SPTLC2: variants seen among roughly 807,000 people sequenced by gnomAD.
The protein encoded by SPTLC2 is serine palmitoyltransferase long chain base subunit 2.
Under a neutral mutation model 62.0 loss-of-function variants are expected in SPTLC2, and 21 were observed. That is an observed-to-expected ratio of 0.34 (90% CI 0.24 to 0.49). SPTLC2 has a LOEUF of 0.49. Ranked by LOEUF, SPTLC2 falls within the 20% of genes least tolerant of loss-of-function variation. The pLI is 0.99. For missense variants in SPTLC2, 511 were observed against 713.0 expected (o/e 0.72, Z 3.23); for synonymous variants, 261 against 261.8 (o/e 1.00, Z 0.03).
intron 2 of SPTLC2, among the ~76,000 whole-genome samples, chr14:77,581,762 A>G (rs1256327555): frequency 6.6e-6 from 1 of 152,140 alleles, no homozygotes; most frequent in Non-Finnish European, 1.5e-5. Flanking sequence ...CAGGACAGAA[A>G]ATATTCATAA....
At chr14:77,556,489 A>C (rs2079584697) in intron 7 of SPTLC2, among the ~76,000 whole-genome samples, 1 of 128,440 alleles carries the variant, frequency 7.8e-6, no homozygotes, top group South Asian at 2.5e-4. Flanking sequence ...AAAAGAACAA[A>C]AAAAATTAGG....
chr14:77,553,750 A>AAAAAG, intron 8 of SPTLC2, among the ~76,000 whole-genome samples: 1 of 150,472 alleles, frequency 6.6e-6, no homozygotes, highest in East Asian at 1.9e-4. Context: ...AAAAAAAAAA[A>AAAAAG]TCTATCAAAG....
chr14:77,555,041 T>C, intron 8 of SPTLC2: 1 of 483,426 alleles, frequency 2.1e-6, no homozygotes, highest in Non-Finnish European at 3.8e-6. Flanking sequence ...CTGTGTGTTC[T>C]TTCACACAAG....
At chr14:77,513,099 C>T (rs1034294573) in intron 11 of SPTLC2, among the ~76,000 whole-genome samples, 3 of 134,488 alleles carry the variant, frequency 2.2e-5, no homozygotes, top group Non-Finnish European at 4.6e-5. Context: ...CATCTCGGCT[C>T]ACTGCAGCCT....
intron 2 of SPTLC2, among the ~76,000 whole-genome samples, chr14:77,587,381 T>A (rs2079787792): frequency 6.6e-6 from 1 of 152,204 alleles, no homozygotes; most frequent in South Asian, 2.1e-4. Flanking sequence ...AAACTCATAT[T>A]TACATGCAGG....
chr14:77,572,441 C>T (rs2079689306), intron 4 of SPTLC2, among the ~76,000 whole-genome samples: 1 of 152,184 alleles, frequency 6.6e-6, no homozygotes, highest in African/African-American at 2.4e-5. Context: ...ATTTTGACGT[C>T]CTCATTCCCA....
chr14:77,523,491 TGA>T (rs2079394534), intron 9 of SPTLC2, among the ~76,000 whole-genome samples: 1 of 152,190 alleles, frequency 6.6e-6, no homozygotes, highest in Non-Finnish European at 1.5e-5. Context: ...TGGGGTGCGA[TGA>T]GAGAGCTTTA....
chr14:77,602,392 C>G (rs751677982), intron 1 of SPTLC2, among the ~76,000 whole-genome samples: 1 of 152,184 alleles, frequency 6.6e-6, no homozygotes, highest in Non-Finnish European at 1.5e-5. Flanking sequence ...AACAGCATCA[C>G]CATCCAGTCT....
chr14:77,605,398 C>A (rs1019141725), intron 1 of SPTLC2, among the ~76,000 whole-genome samples: 2 of 152,134 alleles, frequency 1.3e-5, no homozygotes, highest in Non-Finnish European at 2.9e-5. Flanking sequence ...TAGAGAGAGG[C>A]AAGCTAGTGC....
intron 9 of SPTLC2, among the ~76,000 whole-genome samples, chr14:77,525,880 C>T (rs1484512576): frequency 3.5e-5 from 3 of 84,954 alleles, no homozygotes; most frequent in African/African-American, 4.2e-5. Flanking sequence ...TGCCATTGCA[C>T]TCCAGCCTGG....
Position 77,509,647 on chromosome 14 carries a change from T to C in SPTLC2, c.*2637A>G. 2.7e-6 allele frequency: 1 copy of C among 369,218 alleles called. No individual in the cohort carries two copies. Among genetic ancestry groups the C allele is most frequent in the Non-Finnish European group, 4.8e-6 (1 of 208,080 alleles). 22.9% of individuals were successfully genotyped at this position (369,218 alleles called of 1,614,324 possible). ...ATCGACTTATTCTCAATGACTGTAT[T>C]TATATATACTTGTATTCCTCCAAGT... is the stretch of plus-strand genomic sequence containing the variant. On this transcript the variant is annotated 3_prime_UTR_variant, in exon 12 of 12. Coordinates refer to ENST00000216484, the MANE Select transcript of SPTLC2 (RefSeq NM_004863.4).
chr14:77,582,051 A>T (rs571499868), intron 2 of SPTLC2, among the ~76,000 whole-genome samples: 21 of 66,708 alleles, frequency 3.1e-4, no homozygotes, highest in African/African-American at 7.7e-4. Flanking sequence ...TTTTTTAATT[A>T]AAAAAAAAAA....
chr14:77,525,050 A>C (rs572695717), intron 9 of SPTLC2, among the ~76,000 whole-genome samples: 58 of 152,214 alleles, frequency 3.8e-4, no homozygotes, highest in Non-Finnish European at 7.8e-4. Context: ...CATATCCAAA[A>C]TACTCTGATT....
chr14:77,605,434 T>C (rs1025348722), intron 1 of SPTLC2, among the ~76,000 whole-genome samples: 1 of 152,162 alleles, frequency 6.6e-6, no homozygotes, highest in Non-Finnish European at 1.5e-5. Context: ...TAGATAAAAC[T>C]AAATAGATTA....
chr14:77,607,366 T>C (rs2079910839), intron 1 of SPTLC2, among the ~76,000 whole-genome samples: 2 of 152,236 alleles, frequency 1.3e-5, no homozygotes, highest in South Asian at 4.1e-4. Context: ...GTAATTGCCA[T>C]TAAATGGTTT....
chr14:77,555,156 A>C, intron 8 of SPTLC2, 144 bp downstream of exon 8: 2 of 838,232 alleles, frequency 2.4e-6, no homozygotes, highest in Non-Finnish European at 4.1e-6. Context: ...AGGAGACATT[A>C]GAGTCACTCA....
chr14:77,604,203 T>C (rs1486617946), intron 1 of SPTLC2, among the ~76,000 whole-genome samples: 1 of 152,114 alleles, frequency 6.6e-6, no homozygotes, highest in Admixed American at 6.5e-5. Flanking sequence ...CCGAAAGAAA[T>C]CCAACAACCC....
At chr14:77,553,905 C>T (rs1438856825) in intron 8 of SPTLC2, among the ~76,000 whole-genome samples, 1 of 152,048 alleles carries the variant, frequency 6.6e-6, no homozygotes, top group Non-Finnish European at 1.5e-5. Context: ...TCCTTGATCT[C>T]CCAGGCTCAA....
intron 5 of SPTLC2, among the ~76,000 whole-genome samples, chr14:77,564,671 T>C (rs1410146416): frequency 6.6e-6 from 1 of 152,050 alleles, no homozygotes; most frequent in Non-Finnish European, 1.5e-5. Context: ...TGGAGCATTT[T>C]ATCATGCCAG....
Sources: allele counts gnomAD v4.1 joint callset (sites outside exome capture counted in the v4.1 genomes callset), GRCh38; gene constraint gnomAD v4.1.1; transcripts MANE v1.5; gene names NCBI Gene and HGNC (gene_info 2026-07-23, HGNC 2026-07-21).